RCAN1: variants seen among roughly 807,000 people sequenced by gnomAD.
The protein encoded by RCAN1 is regulator of calcineurin 1.
In RCAN1, 11 loss-of-function variants were observed where a neutral mutation model predicts 22.9. The ratio of observed to expected loss-of-function variants is 0.48; its 90% CI spans 0.30 to 0.79. The LOEUF (loss-of-function observed/expected upper bound fraction) is 0.79. RCAN1 is among the 30% of genes least tolerant of loss of function. RCAN1 has a pLI of 0.06. For missense variants in RCAN1, 291 were observed against 337.8 expected (o/e 0.86, Z 1.09); for synonymous variants, 136 against 142.3 (o/e 0.96, Z 0.32).
At chr21:34,572,020 T>G (rs1445273818) in intron 1 of RCAN1, among the ~76,000 whole-genome samples, 1 of 152,194 alleles carries the variant, frequency 6.6e-6, no homozygotes, top group East Asian at 1.9e-4. Context: ...AAGAGCTCCC[T>G]TTTATCATTA....
rs1216510563 is a variant in RCAN1 at position 34,615,047 on chromosome 21, CTG to C, written c.-38_-37del. 2 of 1,023,196 alleles carry C rather than the reference CTG, an allele frequency of 2.0e-6. No individual in the cohort carries two copies. Among genetic ancestry groups the C allele is most frequent in the African/African-American group, 3.5e-5 (2 of 57,842 alleles). 63.4% of individuals were successfully genotyped at this position (1,023,196 alleles called of 1,614,324 possible). On this transcript the variant is annotated 5_prime_UTR_variant, in exon 1 of 4. Coordinates refer to ENST00000313806, the MANE Select transcript of RCAN1 (RefSeq NM_004414.7). ...GCGCGACCCTGTGCGCCCCAGCGGGCTGCTCCGGGCTTGCGCGCCGGAGCCTC... is the reference window on the plus strand; with the variant it reads ...GCGCGACCCTGTGCGCCCCAGCGGGCCTCCGGGCTTGCGCGCCGGAGCCTC...
At chr21:34,567,286 G>A (rs1461250906) in intron 1 of RCAN1, among the ~76,000 whole-genome samples, 1 of 152,196 alleles carries the variant, frequency 6.6e-6, no homozygotes, top group Non-Finnish European at 1.5e-5. Flanking sequence ...AGGAGGTCAG[G>A]AGAATCGAGA....
intron 1 of RCAN1, among the ~76,000 whole-genome samples, chr21:34,549,189 G>A (rs1397438178): frequency 2.0e-5 from 3 of 152,134 alleles, no homozygotes; most frequent in African/African-American, 7.2e-5. Flanking sequence ...TGCTTTGTTT[G>A]GGTGTTGGTG....
chr21:34,591,412 G>T (rs1213332332), intron 1 of RCAN1, among the ~76,000 whole-genome samples: 1 of 152,162 alleles, frequency 6.6e-6, no homozygotes, highest in East Asian at 1.9e-4. Flanking sequence ...ACCAAGGTGA[G>T]CCATGGCTTT....
intron 1 of RCAN1, among the ~76,000 whole-genome samples, chr21:34,567,267 G>A (rs139670491): frequency 1.6e-4 from 24 of 152,312 alleles, no homozygotes; most frequent in African/African-American, 4.6e-4. Context: ...AGGCCAAGGC[G>A]GGAGGATCAG....
chr21:34,599,659 C>T (rs1211913115), intron 1 of RCAN1, among the ~76,000 whole-genome samples: 3 of 152,148 alleles, frequency 2.0e-5, no homozygotes, highest in African/African-American at 7.2e-5. Flanking sequence ...TATACATACA[C>T]TCAACAGAGG....
chr21:34,565,020 G>A (rs749701778), intron 1 of RCAN1, among the ~76,000 whole-genome samples: 2 of 148,270 alleles, frequency 1.3e-5, no homozygotes, highest in Non-Finnish European at 3.0e-5. Flanking sequence ...GGCAACAAGT[G>A]AGACCCCATC....
chr21:34,585,084 A>G (rs1376567139), intron 1 of RCAN1, among the ~76,000 whole-genome samples: 2 of 152,350 alleles, frequency 1.3e-5, no homozygotes, highest in South Asian at 4.1e-4. Flanking sequence ...GAGAATTAGT[A>G]ACAGAATTTC....
intron 1 of RCAN1, chr21:34,613,680 A>G: frequency 7.6e-7 from 1 of 1,322,262 alleles, no homozygotes; most frequent in Non-Finnish European, 1.0e-6. Flanking sequence ...AGTTCCTGAC[A>G]ATTGCTGCTC....
At chr21:34,572,681 T>A (rs1229702390) in intron 1 of RCAN1, among the ~76,000 whole-genome samples, 1 of 152,256 alleles carries the variant, frequency 6.6e-6, no homozygotes, top group East Asian at 1.9e-4. Context: ...TAGTCCGGTC[T>A]CACACTGCTA....
chr21:34,563,754 C>CAAAA (rs58299654), intron 1 of RCAN1, among the ~76,000 whole-genome samples: 12 of 44,306 alleles, frequency 2.7e-4, no homozygotes, highest in African/African-American at 1.1e-3. Flanking sequence ...CTAAAAATAC[C>CAAAA]AAAAAAAAAA....
intron 1 of RCAN1, among the ~76,000 whole-genome samples, chr21:34,548,115 C>T (rs1986218462): frequency 6.6e-6 from 1 of 152,196 alleles, no homozygotes; most frequent in African/African-American, 2.4e-5. Context: ...TTGTTTAAGG[C>T]ACCTAGAATA....
intron 1 of RCAN1, among the ~76,000 whole-genome samples, chr21:34,581,352 A>T (rs1296495419): frequency 1.3e-5 from 2 of 152,208 alleles, no homozygotes; most frequent in African/African-American, 4.8e-5. Context: ...AGAGAAAGGA[A>T]GACTACAAGT....
intron 1 of RCAN1, among the ~76,000 whole-genome samples, chr21:34,580,615 GT>G (rs762462994): frequency 6.2e-4 from 94 of 152,352 alleles, no homozygotes; most frequent in Non-Finnish European, 1.2e-3. Flanking sequence ...CTGAAGCTGG[GT>G]GGAGAGATGG....
chr21:34,592,583 C>G (rs191144964), intron 1 of RCAN1, among the ~76,000 whole-genome samples: 2 of 152,252 alleles, frequency 1.3e-5, no homozygotes, highest in East Asian at 3.9e-4. Context: ...CCCTGAGGCC[C>G]CCTTCCCGGA....
At chr21:34,531,269 G>A (rs972925292) in intron 1 of RCAN1, among the ~76,000 whole-genome samples, 1 of 152,206 alleles carries the variant, frequency 6.6e-6, no homozygotes, top group South Asian at 2.1e-4. Flanking sequence ...GTTTAGGAGA[G>A]CCGGAACTCA....
At chr21:34,606,753 A>G (rs1362579041) in intron 1 of RCAN1, among the ~76,000 whole-genome samples, 3 of 152,128 alleles carry the variant, frequency 2.0e-5, no homozygotes, top group Non-Finnish European at 4.4e-5. Context: ...TCCTCTCTCC[A>G]CACACTGAGG....
intron 2 of RCAN1, chr21:34,522,281 C>T (rs554169472): frequency 5.9e-5 from 9 of 152,078 alleles, no homozygotes; most frequent in African/African-American, 2.2e-4. Context: ...GAAATGCTGA[C>T]CAGTGATGAG....
chr21:34,543,127 T>C (rs1192983783), intron 1 of RCAN1, among the ~76,000 whole-genome samples: 1 of 152,274 alleles, frequency 6.6e-6, no homozygotes, highest in Non-Finnish European at 1.5e-5. Flanking sequence ...TTCACTGTTA[T>C]GATCCACATA....
Sources: allele counts gnomAD v4.1 joint callset (sites outside exome capture counted in the v4.1 genomes callset), GRCh38; gene constraint gnomAD v4.1.1; transcripts MANE v1.5; gene names NCBI Gene and HGNC (gene_info 2026-07-23, HGNC 2026-07-21).